Variants in ETNK2 observed in about 807,000 individuals in gnomAD.
The protein encoded by ETNK2 is ethanolamine kinase-like protein.
A neutral mutation model predicts 46.2 loss-of-function variants in ETNK2; 33 were observed. The ratio of observed to expected loss-of-function variants is 0.71; its 90% confidence interval spans 0.54 to 0.96. The LOEUF is 0.96. ETNK2 is among the 40% of genes least tolerant of loss of function. ETNK2 has a pLI of 0.00. For missense variants in ETNK2, 445 were observed against 509.7 expected (o/e 0.87, Z 1.22); for synonymous variants, 194 against 209.0 (o/e 0.93, Z 0.62).
Position 204,131,152 on chromosome 1 carries a change from C to T in ETNK2, c.*1032G>A, listed in dbSNP as rs1657053383. The T allele has an allele frequency of 6.5e-6, 1 of 152,690 alleles. No individual in the cohort carries two copies. The highest frequency in any genetic ancestry group is 1.5e-5 in the Non-Finnish European group (1 of 68,086). 9.5% of individuals were successfully genotyped at this position (152,690 alleles called of 1,614,324 possible). A position where few individuals can be genotyped will look rare whatever the true frequency, so the allele number is the denominator to read the frequency against. On this transcript the variant is annotated 3_prime_UTR_variant, in exon 8 of 8. Coordinates refer to ENST00000367202, the MANE Select transcript of ETNK2 (RefSeq NM_018208.4). The surrounding 1 kb of genome is among the most constrained non-coding windows in gnomAD (Gnocchi z 4.3). ...GCCAGAGCCAGGAAGGCCCCAGGAG[C>T]TGTGAGGGTAGAAAGGGAGGTGGAG...
At chr1:204,142,276 T>A (rs1414115389) in intron 3 of ETNK2, 3 of 152,224 alleles carry the variant, frequency 2.0e-5, no homozygotes, top group Non-Finnish European at 4.4e-5. Flanking sequence ...TGTTCCCTTG[T>A]CCCAGACCCC....
Position 204,134,592 on chromosome 1 carries a change from G to C in ETNK2, c.1015-4C>G, listed in dbSNP as rs1657209140. 6.2e-7 allele frequency: 1 copy of C among 1,614,014 alleles called. No individual in the cohort carries two copies. Among genetic ancestry groups the C allele is most frequent in the Non-Finnish European group, 8.5e-7 (1 of 1,179,898 alleles). On this transcript the variant is annotated splice_region_variant and splice_polypyrimidine_tract_variant and intron_variant, in intron 6 of 7. Transcript: ENST00000367202. Reference sequence around the variant, plus strand: ...GAGCCCAGAAGAAGTGAGACGCCTGGAAACAGACCAGAGAGGGTCAGCCTG... The same window carrying C: ...GAGCCCAGAAGAAGTGAGACGCCTGCAAACAGACCAGAGAGGGTCAGCCTG...
At chr1:204,143,976 A>C (rs920820190) in intron 3 of ETNK2, among the ~76,000 whole-genome samples, 3 of 151,540 alleles carry the variant, frequency 2.0e-5, no homozygotes, top group Non-Finnish European at 4.4e-5. Flanking sequence ...CCTGCTCTCC[A>C]CCCGCCACCT....
intron 6 of ETNK2, among the ~76,000 whole-genome samples, chr1:204,134,895 C>G (rs1018115169): frequency 3.3e-5 from 5 of 152,158 alleles, no homozygotes; most frequent in Non-Finnish European, 1.5e-5. Context: ...CTAAGCAGGA[C>G]CCACACTCCA....
At chr1:204,140,236 C>G (rs1657450207) in intron 4 of ETNK2, 118 bp from the exon 5 acceptor site, 1 of 751,404 alleles carries the variant, frequency 1.3e-6, no homozygotes, top group Admixed American at 2.0e-5. Flanking sequence ...TCTGCAGCAA[C>G]CCTGCCCAAT....
Position 204,132,075 on chromosome 1 carries a change from GTGTCCCCTCTCCCACCC to G in ETNK2, c.*92_*108del. ...CAGAGCCTTCTCCCTGGACACCCAT[GTGTCCCCTCTCCCACCC>G]TGTCCAAGGGTGTGGATCCCAGAGT... On this transcript the variant is annotated 3_prime_UTR_variant, in exon 8 of 8. Coordinates refer to ENST00000367202, the MANE Select transcript of ETNK2 (RefSeq NM_018208.4). The G allele has an allele frequency of 1.1e-6, 1 of 875,456 alleles. No individual in the cohort carries two copies. The highest frequency in any genetic ancestry group is 1.9e-6 in the Non-Finnish European group (1 of 533,330). 54.2% of individuals were successfully genotyped at this position (875,456 alleles called of 1,614,324 possible). A position where few individuals can be genotyped will look rare whatever the true frequency, so the allele number is the denominator to read the frequency against.
intron 3 of ETNK2, among the ~76,000 whole-genome samples, chr1:204,142,460 C>T (rs1418984744): frequency 6.6e-6 from 1 of 152,150 alleles, no homozygotes; most frequent in Non-Finnish European, 1.5e-5. Context: ...ATGTGGAAGT[C>T]TGATGAGGGT....
At chr1:204,133,677 G>A (rs1440076690) in intron 7 of ETNK2, among the ~76,000 whole-genome samples, 3 of 151,520 alleles carry the variant, frequency 2.0e-5, no homozygotes, top group Admixed American at 6.6e-5. Context: ...GACTACAGGC[G>A]CCCGCCACCA....
rs763265470 is a variant in ETNK2 at position 204,146,718 on chromosome 1, C to A, written c.565G>T (p.Gly189Cys). ...CAGAGGATGGGCTTGGGCAGGCTGC[C>A]GTTGGCGTGGATAGTATGAATCTTT... is the stretch of plus-strand genomic sequence containing the variant. ...MAKIHTIHAN[G>C]SLPKPILWHK... Residue 189 changes from glycine (G) to cysteine (C), a missense_variant, in exon 3 of 8, where the codon GGC (glycine) becomes TGC (cysteine). By Grantham distance (159) the Gly-to-Cys change is radical. Coordinates refer to ENST00000367202, the MANE Select transcript of ETNK2 (RefSeq NM_018208.4). 3 of 1,613,898 alleles carry A rather than the reference C, an allele frequency of 1.9e-6. No homozygotes were observed. The African/African-American group carries it at 4.0e-5, about 22-fold the overall frequency.
At chr1:204,149,337 G>A (rs1657911069) in intron 2 of ETNK2, among the ~76,000 whole-genome samples, 1 of 152,202 alleles carries the variant, frequency 6.6e-6, no homozygotes, top group Non-Finnish European at 1.5e-5. Context: ...AGAAAACCCT[G>A]AGTGCCCTGG....
At chr1:204,140,492 C>T (rs1193664750) in intron 4 of ETNK2, among the ~76,000 whole-genome samples, 1 of 151,992 alleles carries the variant, frequency 6.6e-6, no homozygotes, top group East Asian at 1.9e-4. Flanking sequence ...TTCGTTCTCT[C>T]TCTTTCTTGG....
At chr1:204,145,286 A>G (rs1249584346) in intron 3 of ETNK2, among the ~76,000 whole-genome samples, 1 of 152,242 alleles carries the variant, frequency 6.6e-6, no homozygotes, top group Non-Finnish European at 1.5e-5. Flanking sequence ...GTTACCCCCA[A>G]GGTCACACAG....
intron 7 of ETNK2, among the ~76,000 whole-genome samples, chr1:204,133,705 G>A (rs1169282556): frequency 6.6e-6 from 1 of 151,706 alleles, no homozygotes; most frequent in Admixed American, 6.6e-5. Flanking sequence ...CTAATTTTTT[G>A]TATTTTTAGT....
intron 6 of ETNK2, 38 bp from the exon 7 acceptor site, chr1:204,134,626 C>T: frequency 6.2e-7 from 1 of 1,614,014 alleles, no homozygotes; most frequent in Non-Finnish European, 8.5e-7. Context: ...TGGCAATCTC[C>T]CCATGCCTGT....
At chr1:204,135,424 A>G (rs572215271) in intron 6 of ETNK2, among the ~76,000 whole-genome samples, 1 of 152,298 alleles carries the variant, frequency 6.6e-6, no homozygotes, top group East Asian at 1.9e-4. Context: ...AATCTAAAAT[A>G]AAAGTAAAAA....
chr1:204,151,906 G>T lies in ETNK2; in HGVS notation c.-54C>A. On this transcript the variant is annotated 5_prime_UTR_variant, in exon 1 of 8. Transcript: ENST00000367202. This position sits in a 1 kb window ranked among gnomAD's most constrained non-coding sequence, Gnocchi z 8.0. ...CGGCAGACGCTAGCCCCGGCGGGGG[G>T]GTCCGGCGAGGGAGTGGGAGTGGTA... 8 of 1,404,156 alleles carry T rather than the reference G, an allele frequency of 5.7e-6. No individual in the cohort carries two copies. Among genetic ancestry groups the T allele is most frequent in the Non-Finnish European group, 7.4e-6 (8 of 1,086,182 alleles). The allele number at this position is 1,404,156 out of a possible 1,614,324, so 87.0% of individuals were successfully genotyped here.
chr1:204,151,749 G>T lies in ETNK2; in HGVS notation c.104C>A (p.Ala35Asp). 4 of 1,528,216 alleles carry T rather than the reference G, an allele frequency of 2.6e-6. No homozygotes were observed. Among genetic ancestry groups the T allele is most frequent in the Non-Finnish European group, 3.5e-6 (4 of 1,138,984 alleles). 94.7% of individuals were successfully genotyped at this position (1,528,216 alleles called of 1,614,324 possible). Residue 35 changes from alanine (A) to aspartate (D), a missense_variant, in exon 1 of 8, where the codon GCC becomes GAC. Ala to Asp is a moderately radical substitution (Grantham distance 126). Transcript: ENST00000367202. The surrounding 1 kb of genome is among the most constrained non-coding windows in gnomAD (Gnocchi z 8.0). ...CSWGMEEKAA[A>D]SASCREPPGP... is the part of the protein sequence containing the mutation. ...CGGCGGCTCCCGGCAGCTGGCGCTG[G>T]CCGCCGCCTTCTCCTCCATGCCCCA...
Position 204,146,629 on chromosome 1 carries a change from C to T in ETNK2, c.641+13G>A. On this transcript the variant is annotated intron_variant, in intron 3 of 7. Transcript: ENST00000367202. ...ATATTAAGGCAGCCTTGGACCCTCC[C>T]AGATCTTTGTACCTGGGGTTGATCT... 2 of 1,613,888 alleles carry T rather than the reference C, an allele frequency of 1.2e-6. No individual in the cohort carries two copies.
intron 4 of ETNK2, 185 bp downstream of exon 4, chr1:204,141,130 G>T (rs980094841): frequency 1.5e-5 from 12 of 786,746 alleles, no homozygotes; most frequent in Non-Finnish European, 2.0e-5. Flanking sequence ...CTGGCCCTTG[G>T]CACAGACTTT....
Sources: gnomAD v4.1 joint callset for allele counts (sites outside exome capture counted in the v4.1 genomes callset) on GRCh38, gnomAD v4.1.1 for gene constraint, Gnocchi (gnomAD v3.1) non-coding constraint, MANE v1.5 for transcripts, NCBI Gene and HGNC (gene_info 2026-07-23, HGNC 2026-07-21) for gene names.